Variants in CCNB3 observed in about 807,000 individuals in gnomAD.
CCNB3 encodes the protein cyclin B3.
CCNB3 carries 12 observed loss-of-function variants against 68.0 expected under a neutral mutation model. The ratio of observed to expected loss-of-function variants is 0.18; its 90% CI spans 0.11 to 0.29. The LOEUF (loss-of-function observed/expected upper bound fraction) is 0.29, where lower values mean the gene tolerates loss of function less well. Among genes scored for constraint, CCNB3 ranks in the 10% least tolerant of loss-of-function variants. The probability of loss-of-function intolerance (pLI) is 1.00; values close to 1 mark genes in which losing one functional copy is unlikely to be tolerated. For synonymous variants in CCNB3, 354 were observed against 388.9 expected (o/e 0.91, Z 1.06); for missense variants, 904 against 993.1 (o/e 0.91, Z 1.21).
intron 1 of CCNB3, among the ~76,000 whole-genome samples, chrX:50,226,646 A>G (rs1176264409): frequency 3.2e-5 from 2 of 63,205 alleles, no homozygotes; most frequent in South Asian, 7.1e-4. Flanking sequence ...AAATATATAT[A>G]TAGAATATAT....
rs781866092 is a variant in CCNB3 at position 50,320,831 on chromosome X, T to C, written c.3516+6883T>C. On this transcript the variant is annotated intron_variant, in intron 8 of 12. Coordinates refer to ENST00000376042, the MANE Select transcript of CCNB3 (RefSeq NM_033031.3). ...TTAGGAACATACACATTTAGGATTA[T>C]TATATCTTCTTTATATTTATTTCTG... 5.4e-5 allele frequency among the ~76,000 whole-genome samples: 6 copies of C among 110,752 alleles called. No homozygotes were observed. In the South Asian group the frequency reaches 2.3e-3, roughly 42 times the overall value.
chrX:50,299,501 T>C (rs782086965), intron 5 of CCNB3, among the ~76,000 whole-genome samples: 4 of 111,841 alleles, frequency 3.6e-5, no homozygotes, highest in Non-Finnish European at 5.6e-5. Context: ...TGAGAGACAG[T>C]TTGTTATAGT....
chrX:50,323,256 C>A (rs1230003822), intron 8 of CCNB3, among the ~76,000 whole-genome samples: 34 of 111,192 alleles, frequency 3.1e-4, no homozygotes, highest in African/African-American at 1.1e-3. Context: ...ATGATGAGTT[C>A]ATGTCCTTTG....
chrX:50,309,604 A>G lies in CCNB3; in HGVS notation c.1435A>G (p.Ile479Val), dbSNP rs782027977. 4.1e-6 allele frequency: 5 copies of G among 1,211,318 alleles called. No homozygotes were observed. The highest frequency in any genetic ancestry group is 4.6e-4 in the Middle Eastern group (2 of 4,352). ...EALAFTKKCT[I>V]EEAPPTKKPL... ...TTTGGCTTTTACAAAGAAGTGTACCATTGAGGAGGCACCCCCCACCAAGAA... is the reference window on the plus strand; with the variant it reads ...TTTGGCTTTTACAAAGAAGTGTACCGTTGAGGAGGCACCCCCCACCAAGAA... Residue 479 changes from isoleucine to valine, a missense_variant, in exon 6 of 13, where the codon ATT (isoleucine) becomes GTT (valine). Physicochemically the swap from Ile to Val is conservative, Grantham distance 29. Coordinates refer to ENST00000376042, the MANE Select transcript of CCNB3 (RefSeq NM_033031.3).
At chrX:50,290,747 G>T (rs933847695) in intron 4 of CCNB3, among the ~76,000 whole-genome samples, 29 of 111,349 alleles carry the variant, frequency 2.6e-4, no homozygotes, top group Middle Eastern at 4.3e-3. Context: ...ATGGGGTTAG[G>T]GGGCAGGGGA....
At chrX:50,305,614 C>T (rs1488276528) in intron 5 of CCNB3, among the ~76,000 whole-genome samples, 1 of 109,364 alleles carries the variant, frequency 9.1e-6, no homozygotes. Flanking sequence ...ACGTAACTCA[C>T]CTGCACGTTC....
chrX:50,340,810 A>C (rs895253217), intron 8 of CCNB3, among the ~76,000 whole-genome samples: 15 of 111,657 alleles, frequency 1.3e-4, no homozygotes, highest in Non-Finnish European at 2.4e-4. Flanking sequence ...CAAGACAAGG[A>C]TACATAAGAA....
chrX:50,299,529 T>G (rs1936573162), intron 5 of CCNB3, among the ~76,000 whole-genome samples: 1 of 111,638 alleles, frequency 9.0e-6, no homozygotes, highest in African/African-American at 3.3e-5. Flanking sequence ...CTTTACCATT[T>G]GCTGAGGAGT....
intron 8 of CCNB3, among the ~76,000 whole-genome samples, chrX:50,314,232 G>A (rs782290453): frequency 1.8e-5 from 2 of 112,078 alleles, no homozygotes; most frequent in South Asian, 3.7e-4. Flanking sequence ...CGGTATGGTC[G>A]TTTTATCATT....
intron 1 of CCNB3, among the ~76,000 whole-genome samples, chrX:50,228,596 TAA>T (rs1935974667): frequency 1.2e-5 from 1 of 85,277 alleles, no homozygotes; most frequent in African/African-American, 4.3e-5. Context: ...AGAATATAGA[TAA>T]TATATATAGA....
intron 1 of CCNB3, among the ~76,000 whole-genome samples, chrX:50,226,178 TATAG>T (rs1218160107): frequency 2.1e-5 from 1 of 48,657 alleles, no homozygotes; most frequent in African/African-American, 7.2e-5. Flanking sequence ...AATATACATA[TATAG>T]ATATATAAAT....
chrX:50,224,147 A>G (rs1935716568), intron 1 of CCNB3, among the ~76,000 whole-genome samples: 1 of 110,937 alleles, frequency 9.0e-6, no homozygotes, highest in Admixed American at 9.7e-5. Flanking sequence ...TCTTGTTTTG[A>G]AAGTTTTTTT....
chrX:50,218,356 T>C (rs1316439147), intron 1 of CCNB3, among the ~76,000 whole-genome samples: 1 of 111,511 alleles, frequency 9.0e-6, no homozygotes, highest in East Asian at 2.8e-4. Context: ...TCGGTATACA[T>C]GTGCCATGGT....
chrX:50,344,760 A>T (rs1430052036), intron 9 of CCNB3, among the ~76,000 whole-genome samples: 2 of 111,696 alleles, frequency 1.8e-5, no homozygotes, highest in Admixed American at 9.5e-5. Flanking sequence ...CAGGTGAAAT[A>T]GTAATTTGGG....
Position 50,308,640 on chromosome X carries a change from A to G in CCNB3, c.471A>G (p.Pro157=), listed in dbSNP as rs1557213893. The change falls in exon 6 of 13, where the codon CCA becomes CCG. Residue 157 remains proline, a synonymous_variant. Coordinates refer to ENST00000376042, the MANE Select transcript of CCNB3 (RefSeq NM_033031.3). ...AGGAGGCATCTCTCTTCAGAAAGCC[A>G]TTAGTTTTAAAGGAGGAACCCACTA... ...NTEEASLFRK[P]LVLKEEPTIE... is the part of the protein sequence containing the mutation. 1.5e-5 allele frequency: 18 copies of G among 1,208,504 alleles called. No homozygotes were observed. Among genetic ancestry groups the G allele is most frequent in the Non-Finnish European group, 2.0e-5 (18 of 894,063 alleles).
intron 5 of CCNB3, among the ~76,000 whole-genome samples, chrX:50,295,924 G>A (rs187904104): frequency 2.7e-5 from 3 of 111,078 alleles, no homozygotes; most frequent in Admixed American, 1.9e-4. Flanking sequence ...AAAAGACTGG[G>A]TAACTCTAGA....
intron 8 of CCNB3, among the ~76,000 whole-genome samples, chrX:50,337,895 C>G (rs2147095223): frequency 8.9e-6 from 1 of 112,048 alleles, no homozygotes; most frequent in South Asian, 3.8e-4. Context: ...CAAGTCAAGT[C>G]AAAAACAAAA....
chrX:50,279,559 G>A (rs1394293991), intron 1 of CCNB3, among the ~76,000 whole-genome samples: 1 of 81,921 alleles, frequency 1.2e-5, no homozygotes, highest in African/African-American at 4.6e-5. Context: ...ATAAATATAT[G>A]AATATATATT....
intron 4 of CCNB3, among the ~76,000 whole-genome samples, chrX:50,289,900 G>C (rs1936319563): frequency 1.8e-5 from 2 of 111,903 alleles, no homozygotes; most frequent in Non-Finnish European, 3.8e-5. Flanking sequence ...TTTAGATTCT[G>C]TATGGCCACC....
Sources: gnomAD v4.1 joint callset for allele counts (sites outside exome capture counted in the v4.1 genomes callset) on GRCh38, gnomAD v4.1.1 for gene constraint, MANE v1.5 for transcripts, NCBI Gene and HGNC (gene_info 2026-07-23, HGNC 2026-07-21) for gene names.